The following PLSCR1 variants were observed in gnomAD, a reference collection of about 807,000 sequenced individuals.
The protein encoded by PLSCR1 is PL scramblase 1.
Under a neutral mutation model 37.8 loss-of-function variants are expected in PLSCR1, and 17 were observed. That is an observed-to-expected ratio of 0.45 (90% CI 0.31 to 0.68). PLSCR1 has a LOEUF of 0.68. PLSCR1 is among the 30% of genes least tolerant of loss of function. PLSCR1 has a pLI of 0.06. For synonymous variants in PLSCR1, 116 were observed against 125.9 expected (o/e 0.92, Z 0.53); for missense variants, 347 against 380.9 (o/e 0.91, Z 0.74).
chr3:146,516,855 A>G, intron 8 of PLSCR1, 151 bp downstream of exon 8: 1 of 580,340 alleles, frequency 1.7e-6, no homozygotes, highest in Non-Finnish European at 2.9e-6. Context: ...TGTCAGGATC[A>G]AATAGAATTT....
At chr3:146,538,292 T>A (rs1165097006) in intron 1 of PLSCR1, among the ~76,000 whole-genome samples, 1 of 152,244 alleles carries the variant, frequency 6.6e-6, no homozygotes. Context: ...TATGAAGAAC[T>A]GTGTAAGACT....
chr3:146,528,490 T>C (rs917012800), intron 4 of PLSCR1, 124 bp downstream of exon 4: 3 of 751,386 alleles, frequency 4.0e-6, no homozygotes, highest in African/African-American at 3.5e-5. Flanking sequence ...ATTAGAGTAA[T>C]CTGTTAGCAG....
chr3:146,533,721 G>C (rs780634728), intron 2 of PLSCR1, among the ~76,000 whole-genome samples, 171 bp from the exon 3 acceptor site: 7 of 152,150 alleles, frequency 4.6e-5, no homozygotes, highest in African/African-American at 7.2e-5. Context: ...GAGCTAATTT[G>C]CAACTAGCAA....
chr3:146,522,682 A>C (rs538383862), intron 5 of PLSCR1, among the ~76,000 whole-genome samples: 37 of 152,262 alleles, frequency 2.4e-4, no homozygotes, highest in Middle Eastern at 3.4e-3. Flanking sequence ...ACACCCGTAA[A>C]GGGTCTGCAC....
At chr3:146,521,735 T>TA in intron 6 of PLSCR1, 30 bp from the exon 7 acceptor site, 2 of 1,587,710 alleles carry the variant, frequency 1.3e-6, no homozygotes. Context: ...TATGTAAATG[T>TA]AATAATCATA....
chr3:146,523,099 G>C (rs1047548608), intron 5 of PLSCR1, among the ~76,000 whole-genome samples: 2 of 152,122 alleles, frequency 1.3e-5, no homozygotes, highest in African/African-American at 2.4e-5. Context: ...CGGGTCCTCC[G>C]TATGCTGAAT....
chr3:146,543,694 G>C (rs952083749), intron 1 of PLSCR1, among the ~76,000 whole-genome samples: 6 of 152,196 alleles, frequency 3.9e-5, no homozygotes, highest in Non-Finnish European at 5.9e-5. Context: ...AAAATAATAA[G>C]AGCTAACTTT....
At chr3:146,526,137 C>T (rs1267918696) in intron 4 of PLSCR1, among the ~76,000 whole-genome samples, 1 of 134,874 alleles carries the variant, frequency 7.4e-6, no homozygotes, top group Non-Finnish European at 1.5e-5. Context: ...GAGCCGAGAT[C>T]GCGCTACTGC....
chr3:146,539,295 A>T, intron 1 of PLSCR1, among the ~76,000 whole-genome samples: 1 of 152,154 alleles, frequency 6.6e-6, no homozygotes, highest in East Asian at 1.9e-4. Context: ...GCCACTGCTG[A>T]TCTGACAGGA....
At chr3:146,536,459 TA>T in intron 2 of PLSCR1, 80 bp downstream of exon 2, 1 of 826,920 alleles carries the variant, frequency 1.2e-6, no homozygotes, top group South Asian at 1.4e-5. Context: ...AGACACTGAA[TA>T]AAACATTATG....
chr3:146,525,681 T>C (rs766554299), intron 4 of PLSCR1, 34 bp from the exon 5 acceptor site: 2 of 1,077,722 alleles, frequency 1.9e-6, no homozygotes, highest in Admixed American at 4.8e-5. Context: ...GGTATGTATA[T>C]GTCAAATGAA....
chr3:146,523,122 G>A (rs1435829032), intron 5 of PLSCR1, among the ~76,000 whole-genome samples: 1 of 152,094 alleles, frequency 6.6e-6, no homozygotes, highest in Non-Finnish European at 1.5e-5. Flanking sequence ...CAGTCCCCTG[G>A]GCCCATTTTT....
In PLSCR1 at chr3:146,517,174, T is replaced by TA; in HGVS notation, c.739-8_739-7insT. On this transcript the variant is annotated splice_region_variant and splice_polypyrimidine_tract_variant and intron_variant, in intron 7 of 8. Transcript: ENST00000342435. The stretch of plus-strand genomic sequence containing the variant: ...GTTCATCAAGAGATTTAATCTAAAT[T>TA]GAAAAAAAAAAGTATTAAATACTTT... The TA allele has an allele frequency of 1.4e-6, 2 of 1,481,176 alleles. No homozygotes were observed. Among genetic ancestry groups the TA allele is most frequent in the East Asian group, 2.4e-5 (1 of 41,184 alleles). 91.8% of individuals were successfully genotyped at this position (1,481,176 alleles called of 1,614,324 possible).
chr3:146,516,146 C>T (rs770467752), intron 8 of PLSCR1, 45 bp from the exon 9 acceptor site: 3 of 1,224,322 alleles, frequency 2.5e-6, no homozygotes, highest in Non-Finnish European at 3.6e-6. Context: ...AACAACAAAA[C>T]AGAGATCAAT....
chr3:146,527,568 C>A (rs2044135546), intron 4 of PLSCR1, among the ~76,000 whole-genome samples: 1 of 151,952 alleles, frequency 6.6e-6, no homozygotes, highest in African/African-American at 2.4e-5. Context: ...TTTTTTTTTA[C>A]AAGTTTCAGA....
At chr3:146,521,483 C>A (rs1164159615) in intron 7 of PLSCR1, 61 bp downstream of exon 7, 10 of 1,422,900 alleles carry the variant, frequency 7.0e-6, no homozygotes, top group Non-Finnish European at 9.8e-6. Context: ...TAATGTCCTG[C>A]AAAATTACAT....
chr3:146,533,553 G>A lies in PLSCR1; in HGVS notation c.14-3C>T. 1 of 1,580,356 alleles carries A rather than the reference G, an allele frequency of 6.3e-7. No homozygotes were observed. Among genetic ancestry groups the A allele is most frequent in the Non-Finnish European group, 8.7e-7 (1 of 1,152,068 alleles). On this transcript the variant is annotated splice_region_variant and splice_polypyrimidine_tract_variant and intron_variant, in intron 2 of 8. Transcript: ENST00000342435. ...GTGAGAAGCATTCATCTGTGAGTCT[G>A]CAATTCAAGGAGAGGTAAATAGATG... is the stretch of plus-strand genomic sequence containing the variant.
intron 1 of PLSCR1, chr3:146,538,120 A>C (rs1298713172): frequency 6.6e-6 from 1 of 151,310 alleles, no homozygotes; most frequent in Non-Finnish European, 1.5e-5. Flanking sequence ...CTCAGTTTGC[A>C]TTAACTGGTC....
chr3:146,515,976 G>C lies in PLSCR1; in HGVS notation c.*69C>G, dbSNP rs1353439950. 1.1e-6 allele frequency: 1 copy of C among 941,582 alleles called. No individual in the cohort carries two copies. Among genetic ancestry groups the C allele is most frequent in the East Asian group, 2.5e-5 (1 of 40,458 alleles). The allele number at this position is 941,582 out of a possible 1,614,324, so 58.3% of individuals were successfully genotyped here. A position where few individuals can be genotyped will look rare whatever the true frequency, so the allele number is the denominator to read the frequency against. On this transcript the variant is annotated 3_prime_UTR_variant, in exon 9 of 9. Transcript: ENST00000342435. Reference sequence around the variant, plus strand: ...CAGGCCTTACAGCTTAATTCATACAGGTATGAGTTTAGATAGTCTCAATCA... The same window carrying C: ...CAGGCCTTACAGCTTAATTCATACACGTATGAGTTTAGATAGTCTCAATCA...
Sources: allele counts gnomAD v4.1 joint callset (sites outside exome capture counted in the v4.1 genomes callset), GRCh38; gene constraint gnomAD v4.1.1; transcripts MANE v1.5; gene names NCBI Gene and HGNC (gene_info 2026-07-23, HGNC 2026-07-21).